The following SLC9A2 variants were observed in gnomAD, a reference collection of about 807,000 sequenced individuals.
The protein encoded by SLC9A2 is solute carrier family 9 member A2, also known as sodium/hydrogen exchanger 2.
In SLC9A2, 42 loss-of-function variants were observed where a neutral mutation model predicts 71.7. The ratio of observed to expected loss-of-function variants is 0.59; its 90% CI spans 0.46 to 0.76. SLC9A2 has a LOEUF of 0.76. Ranked by LOEUF, SLC9A2 falls within the 30% of genes least tolerant of loss-of-function variation. SLC9A2 has a pLI of 0.00. For synonymous variants in SLC9A2, 396 were observed against 392.5 expected (o/e 1.01, Z -0.10); for missense variants, 829 against 1,017.4 (o/e 0.81, Z 2.52).
intron 1 of SLC9A2, among the ~76,000 whole-genome samples, chr2:102,621,564 T>A (rs1216985379): frequency 6.6e-6 from 1 of 152,186 alleles, no homozygotes. Flanking sequence ...ATGATTCGAT[T>A]AAGTTGTTAG....
intron 1 of SLC9A2, among the ~76,000 whole-genome samples, chr2:102,633,304 A>G (rs149937957): frequency 5.6e-4 from 85 of 152,256 alleles, no homozygotes; most frequent in African/African-American, 1.9e-3. Context: ...GGCCACAGCT[A>G]GTTCTTCATC....
chr2:102,654,255 A>G (rs1159797001), intron 1 of SLC9A2, among the ~76,000 whole-genome samples: 2 of 135,840 alleles, frequency 1.5e-5, no homozygotes, highest in Non-Finnish European at 3.0e-5. Context: ...CTTATCACAC[A>G]CTAGCAGGTG....
At chr2:102,667,342 A>AGTT (rs902142519) in intron 3 of SLC9A2, among the ~76,000 whole-genome samples, 2 of 152,174 alleles carry the variant, frequency 1.3e-5, no homozygotes, top group African/African-American at 4.8e-5. Context: ...TGTTTTAGCA[A>AGTT]GAGTCAGGGT....
chr2:102,641,176 T>G (rs1676573183), intron 1 of SLC9A2, among the ~76,000 whole-genome samples: 1 of 152,146 alleles, frequency 6.6e-6, no homozygotes, highest in African/African-American at 2.4e-5. Context: ...CAAATGGATT[T>G]GTGAACTCAG....
At chr2:102,665,800 A>AAAAAAAAG (rs1198826827) in intron 3 of SLC9A2, among the ~76,000 whole-genome samples, 2 of 146,218 alleles carry the variant, frequency 1.4e-5, no homozygotes, top group South Asian at 2.2e-4. Flanking sequence ...AAAAAAAAAA[A>AAAAAAAAG]AGATTTTTCT....
At position 102,701,198 on chromosome 2, in the gene SLC9A2, T is replaced by G; in HGVS notation, c.1715T>G (p.Met572Arg). The G allele has an allele frequency of 6.2e-7, 1 of 1,610,104 alleles. No homozygotes were observed. Among genetic ancestry groups the G allele is most frequent in the Non-Finnish European group, 8.5e-7 (1 of 1,178,728 alleles). ...KHAIEMAETG[M>R]ISTVPTFASL... is the part of the protein sequence containing the mutation. ...GCCATTGAGATGGCAGAGACTGGGA[T>G]GATAAGTACTGTCCCTACATTTGCA... Residue 572 changes from methionine to arginine, a missense_variant, in exon 8 of 12, where the codon ATG (methionine) becomes AGG (arginine). Around this residue, in one of 3 missense-constraint regions of SLC9A2, gnomAD observed 500 missense variants for 726.3 expected, o/e 0.69. Transcript: ENST00000233969.
intron 3 of SLC9A2, among the ~76,000 whole-genome samples, chr2:102,665,773 TAAAAAAAAAAAA>T (rs11426516): frequency 7.7e-5 from 3 of 38,770 alleles, no homozygotes; most frequent in South Asian, 4.3e-3. Context: ...GACTCTGTCT[TAAAAAAAAAAAA>T]AAAAAAAAAA....
intron 1 of SLC9A2, among the ~76,000 whole-genome samples, chr2:102,639,899 G>T (rs181109547): frequency 1.3e-5 from 2 of 152,304 alleles, no homozygotes; most frequent in Admixed American, 6.5e-5. Context: ...AGAAATGACC[G>T]GTAGTAATAA....
chr2:102,700,130 G>A (rs188305703), intron 7 of SLC9A2, among the ~76,000 whole-genome samples: 1 of 152,266 alleles, frequency 6.6e-6, no homozygotes, highest in African/African-American at 2.4e-5. Context: ...TGGAGTCATC[G>A]TTTGCTGAGA....
rs202150381 is a variant in SLC9A2 at position 102,708,082 on chromosome 2, A to C, written c.2069-37A>C. 1.9e-5 allele frequency: 30 copies of C among 1,583,228 alleles called. No homozygotes were observed. In the African/African-American group the frequency reaches 3.4e-4, roughly 18 times the overall value. Reference sequence around the variant, plus strand: ...AAGTTACTTGCAATGCCTTCTCTCTAAAATGCTTGCCCACCTTGTCTTTTG... The same window carrying C: ...AAGTTACTTGCAATGCCTTCTCTCTCAAATGCTTGCCCACCTTGTCTTTTG... On this transcript the variant is annotated intron_variant, in intron 11 of 11. Coordinates refer to ENST00000233969, the MANE Select transcript of SLC9A2 (RefSeq NM_003048.6).
chr2:102,619,973 C>A lies in SLC9A2; in HGVS notation c.125C>A (p.Ala42Asp), dbSNP rs74685539. The A allele has an allele frequency of 4.3e-5, 70 of 1,613,434 alleles. No individual in the cohort carries two copies. In the African/African-American group the frequency reaches 8.4e-4, roughly 19 times the overall value. ...LAETLLNAPR[A>D]MGTSSSPPSP... Reference sequence around the variant, plus strand: ...GAGACCTTGCTGAACGCGCCGAGGGCCATGGGCACCAGTTCCAGCCCGCCT... The same window carrying A: ...GAGACCTTGCTGAACGCGCCGAGGGACATGGGCACCAGTTCCAGCCCGCCT... The change falls in exon 1 of 12, where the codon GCC becomes GAC. Residue 42 changes from alanine (A) to aspartate (D), a missense_variant. Physicochemically the swap from Ala to Asp is moderately radical, Grantham distance 126 (BLOSUM62 -2). This residue lies in a region of SLC9A2 where 106 missense variants were observed against 93.5 expected (regional missense o/e 1.13). Transcript: ENST00000233969. The surrounding 1 kb of genome is among the most constrained non-coding windows in gnomAD (Gnocchi z 4.3).
chr2:102,684,183 G>T lies in SLC9A2; in HGVS notation c.1272G>T (p.Leu424=). 1 of 1,614,072 alleles carries T rather than the reference G, an allele frequency of 6.2e-7. No individual in the cohort carries two copies. ...TTAATAGGTTCCGGACCATTCCCCT[G>T]ACCTTTAAGGACCAGTTCATCATTG... ...QVINRFRTIP[L]TFKDQFIIAY... is the part of the protein sequence containing the mutation. Residue 424 remains leucine, a synonymous_variant, in exon 5 of 12, where the codon CTG becomes CTT. Transcript: ENST00000233969.
chr2:102,641,596 C>A (rs1676582642), intron 1 of SLC9A2, among the ~76,000 whole-genome samples: 1 of 151,866 alleles, frequency 6.6e-6, no homozygotes, highest in South Asian at 2.1e-4. Context: ...AGATCAGAGA[C>A]CCTGCCATGT....
intron 2 of SLC9A2, among the ~76,000 whole-genome samples, chr2:102,663,567 C>T (rs764897007): frequency 5.9e-5 from 9 of 152,198 alleles, no homozygotes; most frequent in Non-Finnish European, 1.0e-4. Flanking sequence ...TGACTTCACT[C>T]TCCCATGATT....
At chr2:102,703,387 C>T (rs10176900) in intron 9 of SLC9A2, among the ~76,000 whole-genome samples, 2,490 of 152,222 alleles carry the variant, frequency 0.016, 64 homozygotes, top group African/African-American at 0.055. Flanking sequence ...GTTCTGTTTT[C>T]GTTCTTTGGC....
At chr2:102,706,325 C>CAAAAAAAAAAAA (rs1321449192) in intron 11 of SLC9A2, among the ~76,000 whole-genome samples, 1 of 2,628 alleles carries the variant, frequency 3.8e-4, no homozygotes, top group African/African-American at 1.5e-3. Flanking sequence ...GACTCCGTCT[C>CAAAAAAAAAAAA]AAAAAAAAAA....
At chr2:102,654,918 G>A (rs1676908607) in intron 1 of SLC9A2, among the ~76,000 whole-genome samples, 2 of 152,104 alleles carry the variant, frequency 1.3e-5, no homozygotes, top group Admixed American at 6.5e-5. Flanking sequence ...CATAGAAAAG[G>A]CATCATAAAA....
At chr2:102,639,521 G>A (rs1676532748) in intron 1 of SLC9A2, among the ~76,000 whole-genome samples, 1 of 152,190 alleles carries the variant, frequency 6.6e-6, no homozygotes, top group Non-Finnish European at 1.5e-5. Flanking sequence ...GATCCATTTA[G>A]CAGCATTATC....
intron 3 of SLC9A2, among the ~76,000 whole-genome samples, chr2:102,673,460 G>T (rs1002490031): frequency 6.6e-6 from 1 of 152,042 alleles, no homozygotes; most frequent in Non-Finnish European, 1.5e-5. Context: ...GGTATATTGG[G>T]AATCTTTTAG....
Sources: gnomAD v4.1 joint callset for allele counts (sites outside exome capture counted in the v4.1 genomes callset) on GRCh38, gnomAD v4.1.1 for gene constraint, gnomAD v4.1.1 regional missense constraint, Gnocchi (gnomAD v3.1) non-coding constraint, MANE v1.5 for transcripts, NCBI Gene and HGNC (gene_info 2026-07-23, HGNC 2026-07-21) for gene names.